Variants in FBN3 observed in about 807,000 individuals in gnomAD.
FBN3 encodes the protein fibrillin 3, also known as fibrillin-3.
FBN3 carries 234 observed loss-of-function variants against 330.1 expected under a neutral mutation model. The observed-to-expected ratio is 0.71, with a 90% CI of 0.64 to 0.79. The LOEUF is 0.79. FBN3 is among the 30% of genes least tolerant of loss of function. FBN3 has a pLI of 0.00. For missense variants in FBN3, 3,606 were observed against 3,886.9 expected, an observed-to-expected ratio of 0.93 and a Z score of 1.92; for synonymous variants, 1,458 against 1,517.3, an observed-to-expected ratio of 0.96 and a Z score of 0.91.
chr19:8,096,206 G>T lies in FBN3; in HGVS notation c.5540-126C>A. On this transcript the variant is annotated intron_variant, in intron 44 of 63. Coordinates refer to ENST00000600128, the MANE Select transcript of FBN3 (RefSeq NM_032447.5). This position sits in a 1 kb window ranked among gnomAD's most constrained non-coding sequence, Gnocchi z 4.6. ...AGCCCTGCCTAGATGACTGGGCAGTGACCCCTGGCGGTGATGGCTGGGAAG... is the reference window on the plus strand; with the variant it reads ...AGCCCTGCCTAGATGACTGGGCAGTTACCCCTGGCGGTGATGGCTGGGAAG... 1 of 886,090 alleles carries T rather than the reference G, an allele frequency of 1.1e-6. No individual in the cohort carries two copies. Among genetic ancestry groups the T allele is most frequent in the Non-Finnish European group, 1.8e-6 (1 of 540,640 alleles). The allele number at this position is 886,090 out of a possible 1,614,324, so 54.9% of individuals were successfully genotyped here.
At chr19:8,075,624 C>T (rs963610623) in intron 59 of FBN3, among the ~76,000 whole-genome samples, 4 of 152,178 alleles carry the variant, frequency 2.6e-5, no homozygotes, top group Admixed American at 1.3e-4. Context: ...TCATCTCCAC[C>T]GCCTCGAAGC....
chr19:8,122,146 C>T (rs2082867363), intron 24 of FBN3, among the ~76,000 whole-genome samples: 1 of 152,134 alleles, frequency 6.6e-6, no homozygotes, highest in Non-Finnish European at 1.5e-5. Flanking sequence ...ACCTCAGCCT[C>T]TCGAATAGCT....
At position 8,117,303 on chromosome 19, in the gene FBN3, A is replaced by C. The variant is rs1488405277; in HGVS notation, c.3464-12T>G. 2 of 1,221,910 alleles carry C rather than the reference A, an allele frequency of 1.6e-6. No individual in the cohort carries two copies. The highest frequency in any genetic ancestry group is 1.1e-6 in the Non-Finnish European group (1 of 885,066). The allele number at this position is 1,221,910 out of a possible 1,614,324, so 75.7% of individuals were successfully genotyped here. ...GCATTCGTTGATGTCTGCAGGATGC[A>C]GGGCAGACAGGGGCTGGGGCTGGGG... On this transcript the variant is annotated splice_polypyrimidine_tract_variant and intron_variant, in intron 27 of 63. Transcript: ENST00000600128.
intron 10 of FBN3, 109 bp downstream of exon 10, chr19:8,138,032 C>G: frequency 7.7e-7 from 1 of 1,297,420 alleles, no homozygotes; most frequent in Non-Finnish European, 1.0e-6. Context: ...CTCCAAAGCC[C>G]TAACCCTCTC....
chr19:8,127,238 T>G (rs542050706), intron 18 of FBN3, among the ~76,000 whole-genome samples: 1 of 151,916 alleles, frequency 6.6e-6, no homozygotes, highest in African/African-American at 2.4e-5. Flanking sequence ...TTTTTGTATT[T>G]TTAGTAGAGA....
intron 22 of FBN3, 36 bp downstream of exon 22, chr19:8,125,856 C>A (rs761407929): frequency 1.9e-6 from 3 of 1,561,554 alleles, no homozygotes; most frequent in Non-Finnish European, 8.6e-7. Context: ...AAAGGAAGAA[C>A]GTGTGGCCCT....
Position 8,066,058 on chromosome 19 carries a change from C to T in FBN3, c.8291G>A (p.Gly2764Glu), listed in dbSNP as rs2081382446. The T allele has an allele frequency of 1.9e-6, 3 of 1,613,196 alleles. No homozygotes were observed. The highest frequency in any genetic ancestry group is 2.5e-6 in the Non-Finnish European group (3 of 1,179,994). Residue 2764 changes from glycine to glutamate, a missense_variant, in exon 64 of 64, where the codon GGG becomes GAG. Gly to Glu is a moderately conservative substitution (Grantham distance 98, BLOSUM62 -2). Transcript: ENST00000600128. The part of the protein sequence containing the change: ...HLRGVSSLQL[G>E]RRRPGPGTYR... Reference sequence around the variant, plus strand: ...GGTTCCAGGCCCCGGCCGCCTCCGCCCCAGCTGCAGGGAGCTGACGCCACG... The same window carrying T: ...GGTTCCAGGCCCCGGCCGCCTCCGCTCCAGCTGCAGGGAGCTGACGCCACG...
chr19:8,097,351 C>T lies in FBN3; in HGVS notation c.5225G>A (p.Gly1742Glu), dbSNP rs2082233991. 1.2e-6 allele frequency: 2 copies of T among 1,610,652 alleles called. No homozygotes were observed. Among genetic ancestry groups the T allele is most frequent in the Non-Finnish European group, 8.5e-7 (1 of 1,177,892 alleles). Residue 1742 changes from glycine (G) to glutamate (E), a missense_variant, in exon 42 of 64, where the codon GGG becomes GAG. Coordinates refer to ENST00000600128, the MANE Select transcript of FBN3 (RefSeq NM_032447.5). ...CANGICINQI[G>E]SFRCECPAGF... ...TGCGGGGCACTCGCAGCGGAAACTCCCGATCTGGTTTATGCAGATGCCATT... is the reference window on the plus strand; with the variant it reads ...TGCGGGGCACTCGCAGCGGAAACTCTCGATCTGGTTTATGCAGATGCCATT...
chr19:8,128,721 G>A (rs957573725), intron 18 of FBN3, among the ~76,000 whole-genome samples: 3 of 152,114 alleles, frequency 2.0e-5, no homozygotes, highest in African/African-American at 7.2e-5. Context: ...GTGTATACAC[G>A]GCATGTGCAG....
At position 8,121,844 on chromosome 19, in the gene FBN3, G is replaced by A. The variant is rs2082860171; in HGVS notation, c.3083-458C>T. Among the ~76,000 whole-genome samples, 1 of 152,062 alleles carries A rather than the reference G, an allele frequency of 6.6e-6. No individual in the cohort carries two copies. The highest frequency in any genetic ancestry group is 6.6e-5 in the Admixed American group (1 of 15,260). ...GGCTCACTGCAACTTCTGCCTCCCAGGATCAAGCGATTCTCCTGCCTCAGC... is the reference window on the plus strand; with the variant it reads ...GGCTCACTGCAACTTCTGCCTCCCAAGATCAAGCGATTCTCCTGCCTCAGC... On this transcript the variant is annotated intron_variant, in intron 24 of 63. Transcript: ENST00000600128. The surrounding 1 kb of genome is among the most constrained non-coding windows in gnomAD (Gnocchi z 4.5).
rs116520950 is a variant in FBN3 at position 8,136,495 on chromosome 19, C to A, written c.1238G>T (p.Arg413Leu). Residue 413 changes from arginine to leucine, a missense_variant, in exon 11 of 64, where the codon CGA becomes CTA. Arg to Leu is a moderately radical substitution (Grantham distance 102). Transcript: ENST00000600128. ...ATLNQTIDIC[R>L]HFTNLCLNGR... ...ATTCAGACACAGGTTGGTGAAGTGT[C>A]GGCAGATGTCAATGGTCTGGTTCAG... 2.8e-5 allele frequency: 45 copies of A among 1,614,030 alleles called. No homozygotes were observed. The highest frequency in any genetic ancestry group is 2.2e-4 in the Admixed American group (13 of 59,996).
rs955279729 is a variant in FBN3, at chr19:8,109,506, C to T, written c.4457-118G>A. ...GACAACCACTCTTGCAGGAGACCAGCAGATGTCCCGTTTGTCAGGAGCAGG... is the reference window on the plus strand; with the variant it reads ...GACAACCACTCTTGCAGGAGACCAGTAGATGTCCCGTTTGTCAGGAGCAGG... On this transcript the variant is annotated intron_variant, in intron 35 of 63. Coordinates refer to ENST00000600128, the MANE Select transcript of FBN3 (RefSeq NM_032447.5). The surrounding 1 kb of genome is among the most constrained non-coding windows in gnomAD (Gnocchi z 5.2). 6 of 1,534,970 alleles carry T rather than the reference C, an allele frequency of 3.9e-6. No individual in the cohort carries two copies. In the African/African-American group the frequency reaches 4.1e-5, roughly 10 times the overall value.
At chr19:8,108,952 A>G (rs907407050) in intron 36 of FBN3, among the ~76,000 whole-genome samples, 1 of 152,180 alleles carries the variant, frequency 6.6e-6, no homozygotes, top group Non-Finnish European at 1.5e-5. Context: ...TCCCCAGCAC[A>G]TGACACAGAG....
At chr19:8,135,903 G>A (rs931819830) in intron 13 of FBN3, 58 bp downstream of exon 13, 67 of 1,433,544 alleles carry the variant, frequency 4.7e-5, no homozygotes, top group Admixed American at 3.4e-4. Context: ...TGAGGTGGCT[G>A]TAAAAGGCAG....
intron 51 of FBN3, among the ~76,000 whole-genome samples, chr19:8,088,768 T>C (rs569546534): frequency 6.6e-5 from 10 of 152,174 alleles, no homozygotes; most frequent in African/African-American, 2.4e-4. Flanking sequence ...AATGAGTGAT[T>C]GAATGGGTGA....
At chr19:8,089,824 G>T in intron 50 of FBN3, 70 bp downstream of exon 50, 1 of 1,534,716 alleles carries the variant, frequency 6.5e-7, no homozygotes. Flanking sequence ...GAAACTCAGA[G>T]ACCCAGGCAG....
chr19:8,145,405 G>T (rs184283652), intron 5 of FBN3, among the ~76,000 whole-genome samples: 5,405 of 144,670 alleles, frequency 0.037, 102 homozygotes, highest in Non-Finnish European at 0.047. Flanking sequence ...AAAGGGCCGG[G>T]CACGGTAGCT....
At chr19:8,085,254 C>T (rs2081911610) in intron 56 of FBN3, 109 bp downstream of exon 56, 3 of 868,128 alleles carry the variant, frequency 3.5e-6, no homozygotes, top group Non-Finnish European at 5.3e-6. Context: ...CACACACACA[C>T]ACAGTGTGGC....
At chr19:8,119,981 C>G (rs1047410097) in intron 25 of FBN3, among the ~76,000 whole-genome samples, 1 of 150,902 alleles carries the variant, frequency 6.6e-6, no homozygotes, top group Non-Finnish European at 1.5e-5. Flanking sequence ...CCACCATGCC[C>G]GGCTAATTTT....
Sources: gnomAD v4.1 joint callset for allele counts (sites outside exome capture counted in the v4.1 genomes callset) on GRCh38, gnomAD v4.1.1 for gene constraint, Gnocchi (gnomAD v3.1) non-coding constraint, MANE v1.5 for transcripts, NCBI Gene and HGNC (gene_info 2026-07-23, HGNC 2026-07-21) for gene names.